The following RASAL2 variants were observed in gnomAD, a reference collection of about 807,000 sequenced individuals.
The protein encoded by RASAL2 is ras GTPase-activating protein nGAP.
In RASAL2, 58 loss-of-function variants were observed where a neutral mutation model predicts 128.9. The observed-to-expected ratio is 0.45, with a 90% CI of 0.36 to 0.56. The LOEUF (loss-of-function observed/expected upper bound fraction) is 0.56. Among genes scored for constraint, RASAL2 ranks in the 20% least tolerant of loss-of-function variants. RASAL2 has a pLI of 0.00. For synonymous variants in RASAL2, 561 were observed against 580.8 expected (o/e 0.97, Z 0.49); for missense variants, 1,360 against 1,601.6 (o/e 0.85, Z 2.57).
chr1:178,224,697 T>G (rs1663729746), intron 1 of RASAL2, among the ~76,000 whole-genome samples: 1 of 152,136 alleles, frequency 6.6e-6, no homozygotes, highest in Admixed American at 6.5e-5. Context: ...TATCATGTAT[T>G]CTAATACAAA....
chr1:178,094,307 C>T lies in RASAL2; in HGVS notation c.-186C>T. 3.5e-6 allele frequency: 2 copies of T among 578,638 alleles called. No individual in the cohort carries two copies. Among genetic ancestry groups the T allele is most frequent in the South Asian group, 4.5e-5 (2 of 43,988 alleles). The allele number at this position is 578,638 out of a possible 1,614,324, so 35.8% of individuals were successfully genotyped here. ...GTCCCGCCCGCCGACTGCAGGTGGG[C>T]TGCATCGCCCGAGCCTCGGGCAGTG... On this transcript the variant is annotated 5_prime_UTR_variant, in exon 1 of 18. Coordinates refer to ENST00000367649, the MANE Select transcript of RASAL2 (RefSeq NM_170692.4).
At chr1:178,232,977 C>T (rs1664074846) in intron 1 of RASAL2, among the ~76,000 whole-genome samples, 1 of 152,140 alleles carries the variant, frequency 6.6e-6, no homozygotes, top group African/African-American at 2.4e-5. Context: ...AAGCCTATTA[C>T]AGAAATGTAA....
chr1:178,110,863 T>A (rs1445729604), intron 1 of RASAL2, among the ~76,000 whole-genome samples: 1 of 151,828 alleles, frequency 6.6e-6, no homozygotes, highest in Non-Finnish European at 1.5e-5. Flanking sequence ...TGGGATTTGC[T>A]GGGATTACAG....
chr1:178,451,797 C>A, intron 10 of RASAL2, 82 bp downstream of exon 10: 1 of 1,462,874 alleles, frequency 6.8e-7, no homozygotes, highest in South Asian at 1.4e-5. Flanking sequence ...ATGTAAAAGT[C>A]ATCACAATGT....
At chr1:178,294,584 G>A (rs1667411738) in intron 2 of RASAL2, among the ~76,000 whole-genome samples, 1 of 152,098 alleles carries the variant, frequency 6.6e-6, no homozygotes, top group South Asian at 2.1e-4. Context: ...CAAAAAATAG[G>A]ACACCACCCC....
chr1:178,299,909 CTTT>C lies in RASAL2; in HGVS notation c.331-82_331-80del, dbSNP rs905063354. ...ACTCTTTGTTACACACTCCTGTCTTCTTTGACTAAAACCATTATTCAATCAGAA... is the reference window on the plus strand; with the variant it reads ...ACTCTTTGTTACACACTCCTGTCTTCGACTAAAACCATTATTCAATCAGAA... On this transcript the variant is annotated intron_variant, in intron 2 of 17. Coordinates refer to ENST00000367649, the MANE Select transcript of RASAL2 (RefSeq NM_170692.4). 9.0e-6 allele frequency: 13 copies of C among 1,442,284 alleles called. No homozygotes were observed. The African/African-American group carries it at 1.8e-4, about 20-fold the overall frequency. 89.3% of individuals were successfully genotyped at this position (1,442,284 alleles called of 1,614,324 possible). A position where few individuals can be genotyped will look rare whatever the true frequency, so the allele number is the denominator to read the frequency against.
At chr1:178,166,977 A>G (rs932196544) in intron 1 of RASAL2, among the ~76,000 whole-genome samples, 5 of 152,124 alleles carry the variant, frequency 3.3e-5, no homozygotes, top group African/African-American at 1.2e-4. Context: ...AGTCATTTAC[A>G]TGGATTTTCA....
chr1:178,439,931 AGTG>A (rs1351884652), intron 6 of RASAL2, among the ~76,000 whole-genome samples: 1 of 151,868 alleles, frequency 6.6e-6, no homozygotes, highest in African/African-American at 2.4e-5. Context: ...CCACAGCATC[AGTG>A]GTTCAAGATC....
chr1:178,441,265 C>T (rs1676629462), intron 6 of RASAL2, among the ~76,000 whole-genome samples: 1 of 152,130 alleles, frequency 6.6e-6, no homozygotes, highest in Non-Finnish European at 1.5e-5. Context: ...TAAAATTGGA[C>T]TCTTAGTACA....
At chr1:178,275,774 A>G (rs910549069) in intron 1 of RASAL2, among the ~76,000 whole-genome samples, 8 of 152,344 alleles carry the variant, frequency 5.3e-5, no homozygotes, top group Admixed American at 4.6e-4. Context: ...ACCAGAGAGA[A>G]GTATCACATG....
chr1:178,227,882 A>C (rs187364963), intron 1 of RASAL2, among the ~76,000 whole-genome samples: 1 of 152,216 alleles, frequency 6.6e-6, no homozygotes, highest in Admixed American at 6.5e-5. Context: ...TAATGAATGT[A>C]GTAATCCAGT....
intron 3 of RASAL2, chr1:178,341,401 G>C: frequency 7.2e-7 from 1 of 1,398,482 alleles, no homozygotes; most frequent in Non-Finnish European, 9.3e-7. Context: ...ATTGGGGGCG[G>C]GGTTGGGGCG....
chr1:178,397,722 AC>A, intron 4 of RASAL2, among the ~76,000 whole-genome samples: 1 of 150,578 alleles, frequency 6.6e-6, no homozygotes, highest in Non-Finnish European at 1.5e-5. Context: ...CGAACCTCCC[AC>A]CTCAGCTGTG....
rs2102975115 is a variant in RASAL2 at position 178,473,060 on chromosome 1, A to G, written c.3679-15A>G. 2 of 1,613,862 alleles carry G rather than the reference A, an allele frequency of 1.2e-6. No homozygotes were observed. Among genetic ancestry groups the G allele is most frequent in the South Asian group, 2.2e-5 (2 of 91,064 alleles). On this transcript the variant is annotated splice_polypyrimidine_tract_variant and intron_variant, in intron 17 of 17. Coordinates refer to ENST00000367649, the MANE Select transcript of RASAL2 (RefSeq NM_170692.4). The stretch of plus-strand genomic sequence containing the variant: ...TGCCTGTAGCCTGAATAAAGCCATG[A>G]TTGGTGTGTTGTAGGAAAAACGGAT...
intron 1 of RASAL2, among the ~76,000 whole-genome samples, chr1:178,198,168 A>T (rs180797413): frequency 1.3e-5 from 2 of 152,314 alleles, no homozygotes; most frequent in African/African-American, 4.8e-5. Flanking sequence ...ATACATGTGC[A>T]TGTGTCTTTA....
At chr1:178,250,349 A>C (rs929320641) in intron 1 of RASAL2, among the ~76,000 whole-genome samples, 1 of 152,196 alleles carries the variant, frequency 6.6e-6, no homozygotes, top group Admixed American at 6.5e-5. Flanking sequence ...TGCCCAGTCC[A>C]AACTCCCAGG....
At position 178,162,121 on chromosome 1, in the gene RASAL2, C is replaced by T. The variant is rs557495894; in HGVS notation, c.202+67427C>T. On this transcript the variant is annotated intron_variant, in intron 1 of 17. Coordinates refer to ENST00000367649, the MANE Select transcript of RASAL2 (RefSeq NM_170692.4). ...CTGGGACTACAGGCACCTGCCACCA[C>T]GCCTGGCTAATTTTTTGTATTTTTT... 4.0e-5 allele frequency among the ~76,000 whole-genome samples: 6 copies of T among 149,340 alleles called. No individual in the cohort carries two copies. In the East Asian group the frequency reaches 5.9e-4, roughly 15 times the overall value.
intron 1 of RASAL2, among the ~76,000 whole-genome samples, chr1:178,261,459 G>T (rs911699471): frequency 6.6e-6 from 1 of 151,952 alleles, no homozygotes; most frequent in African/African-American, 2.4e-5. Context: ...TTTTTATGTT[G>T]CAGTAGTTAC....
At chr1:178,456,666 G>A (rs1375899267) in intron 12 of RASAL2, 55 bp from the exon 13 acceptor site, 1 of 1,587,032 alleles carries the variant, frequency 6.3e-7, no homozygotes, top group Non-Finnish European at 8.7e-7. Context: ...AAAACAATCT[G>A]TGGTGGATGT....
Sources: gnomAD v4.1 joint callset for allele counts (sites outside exome capture counted in the v4.1 genomes callset) on GRCh38, gnomAD v4.1.1 for gene constraint, MANE v1.5 for transcripts, NCBI Gene and HGNC (gene_info 2026-07-23, HGNC 2026-07-21) for gene names.